The following SAMD3 variants were observed in gnomAD, a reference collection of about 807,000 sequenced individuals.
SAMD3 encodes sterile alpha motif domain-containing protein 3.
SAMD3 carries 63 observed loss-of-function variants against 58.5 expected under a neutral mutation model. The ratio of observed to expected loss-of-function variants is 1.08; its 90% CI spans 0.88 to 1.33. The LOEUF (loss-of-function observed/expected upper bound fraction) is 1.33. Ranked by LOEUF, SAMD3 falls within the 40% of genes most tolerant of loss-of-function variation. The pLI is 0.00. For synonymous variants in SAMD3, 220 were observed against 210.3 expected, an observed-to-expected ratio of 1.05 and a Z score of -0.40; for missense variants, 604 against 608.4, an observed-to-expected ratio of 0.99 and a Z score of 0.08.
intron 1 of SAMD3, among the ~76,000 whole-genome samples, chr6:130,352,326 C>G (rs938847959): frequency 5.9e-5 from 9 of 152,066 alleles, no homozygotes; most frequent in African/African-American, 2.2e-4. Flanking sequence ...TGAGTAGAAG[C>G]CCATTAAAAT....
In SAMD3 at chr6:130,313,386, G is replaced by A. The variant is rs990714800; in HGVS notation, c.-303-293C>T. Among the ~76,000 whole-genome samples the A allele has an allele frequency of 2.0e-5, 3 of 152,190 alleles. No homozygotes were observed. In the East Asian group the frequency reaches 5.8e-4, roughly 29 times the overall value. ...AACAGCCCCGATCCATACACCAGGT[G>A]TGTGAAACAAACATGTTTTGAGACA... On this transcript the variant is annotated intron_variant, in intron 1 of 13. Transcript: ENST00000368134.
chr6:130,331,973 A>G (rs560955763), intron 1 of SAMD3, among the ~76,000 whole-genome samples: 8 of 152,320 alleles, frequency 5.3e-5, no homozygotes, highest in Non-Finnish European at 1.0e-4. Context: ...ATTTCTGCTT[A>G]AAAGTATCTC....
chr6:130,346,420 T>C (rs1351211437), intron 1 of SAMD3, among the ~76,000 whole-genome samples: 2 of 152,160 alleles, frequency 1.3e-5, no homozygotes, highest in Non-Finnish European at 2.9e-5. Context: ...CACCAGGAGA[T>C]TATATCCTGT....
At chr6:130,341,207 C>T (rs1313375976) in intron 1 of SAMD3, among the ~76,000 whole-genome samples, 2 of 151,984 alleles carry the variant, frequency 1.3e-5, no homozygotes, top group African/African-American at 2.4e-5. Context: ...GTGATAATAA[C>T]CAATATGGTC....
intron 5 of SAMD3, among the ~76,000 whole-genome samples, chr6:130,187,295 T>C (rs1307555026): frequency 1.3e-5 from 2 of 152,158 alleles, no homozygotes; most frequent in East Asian, 1.9e-4. Flanking sequence ...CTTTTTATTC[T>C]ACATACTTTC....
chr6:130,321,245 G>A (rs1003575549), intron 1 of SAMD3, among the ~76,000 whole-genome samples: 1 of 152,014 alleles, frequency 6.6e-6, no homozygotes, highest in Non-Finnish European at 1.5e-5. Flanking sequence ...ATTGCCTTAC[G>A]GACAGACCTA....
chr6:130,325,305 AAAG>A (rs1189412689), intron 1 of SAMD3, among the ~76,000 whole-genome samples: 1 of 152,106 alleles, frequency 6.6e-6, no homozygotes, highest in African/African-American at 2.4e-5. Flanking sequence ...TGTGAGGACA[AAAG>A]ACCTGCGAAC....
At chr6:130,237,972 C>G (rs1274486653) in intron 2 of SAMD3, among the ~76,000 whole-genome samples, 2 of 152,068 alleles carry the variant, frequency 1.3e-5, no homozygotes, top group African/African-American at 4.8e-5. Context: ...ACCTATTTAG[C>G]TGTTGTTTTT....
At chr6:130,286,752 C>T (rs1252342218) in intron 2 of SAMD3, among the ~76,000 whole-genome samples, 1 of 152,144 alleles carries the variant, frequency 6.6e-6, no homozygotes. Context: ...TGCTCTGTCG[C>T]CCAGGCTGGA....
chr6:130,173,336 A>T (rs1467320724), intron 8 of SAMD3, among the ~76,000 whole-genome samples: 2 of 152,082 alleles, frequency 1.3e-5, no homozygotes, highest in Non-Finnish European at 2.9e-5. Context: ...TCTACCTTTG[A>T]TCTTTGATGA....
chr6:130,305,327 T>A (rs1233954592), intron 2 of SAMD3, among the ~76,000 whole-genome samples: 1 of 152,170 alleles, frequency 6.6e-6, no homozygotes, highest in Non-Finnish European at 1.5e-5. Flanking sequence ...ATTCTGTGGG[T>A]TTTATGTGTA....
At chr6:130,155,162 T>A in intron 8 of SAMD3, 137 bp from the exon 9 acceptor site, 1 of 612,648 alleles carries the variant, frequency 1.6e-6, no homozygotes, top group Non-Finnish European at 2.9e-6. Context: ...TGAGCATAAC[T>A]AATAAATGGA....
chr6:130,344,147 T>C (rs1562532174), intron 1 of SAMD3, among the ~76,000 whole-genome samples: 1 of 152,338 alleles, frequency 6.6e-6, no homozygotes, highest in Admixed American at 6.5e-5. Flanking sequence ...AAACGTTCAC[T>C]GCAGAAAATT....
intron 1 of SAMD3, among the ~76,000 whole-genome samples, chr6:130,357,400 A>G (rs1777867809): frequency 6.6e-6 from 1 of 152,112 alleles, no homozygotes; most frequent in Non-Finnish European, 1.5e-5. Flanking sequence ...CTGGGATTAC[A>G]GGCGTGAGCC....
rs11964800 is a variant in SAMD3 at position 130,285,828 on chromosome 6, C to G, written c.-188+27150G>C. On this transcript the variant is annotated intron_variant, in intron 2 of 13. Coordinates refer to the SAMD3 transcript ENST00000368134. The stretch of plus-strand genomic sequence containing the variant: ...ACTGGGGTTGCAAAGATAACTAAGA[C>G]AAGTCCCAGCCCAAGATTTCATAGT... Among the ~76,000 whole-genome samples the G allele has an allele frequency of 3.3e-5, 5 of 152,234 alleles. No individual in the cohort carries two copies. The East Asian group carries it at 9.7e-4, about 29-fold the overall frequency.
At chr6:130,259,106 T>C (rs1019520346) in intron 2 of SAMD3, among the ~76,000 whole-genome samples, 7 of 152,206 alleles carry the variant, frequency 4.6e-5, no homozygotes, top group African/African-American at 1.7e-4. Context: ...AATCTCAGTC[T>C]TAGGTTACTT....
At chr6:130,340,435 C>T (rs556799784) in intron 1 of SAMD3, among the ~76,000 whole-genome samples, 53 of 152,332 alleles carry the variant, frequency 3.5e-4, no homozygotes, top group African/African-American at 1.2e-3. Context: ...GAGGATTCCA[C>T]TGGGACACTT....
chr6:130,270,504 T>G (rs1774520657), intron 2 of SAMD3, among the ~76,000 whole-genome samples: 1 of 152,228 alleles, frequency 6.6e-6, no homozygotes, highest in African/African-American at 2.4e-5. Context: ...TCTTTCTGTT[T>G]CAGCTTCAGC....
At chr6:130,288,819 G>C (rs978417175) in intron 2 of SAMD3, among the ~76,000 whole-genome samples, 1 of 152,162 alleles carries the variant, frequency 6.6e-6, no homozygotes, top group African/African-American at 2.4e-5. Flanking sequence ...AAGAGCTAAA[G>C]GTTGGTGATT....
Sources: gnomAD v4.1 joint callset for allele counts (sites outside exome capture counted in the v4.1 genomes callset) on GRCh38, gnomAD v4.1.1 for gene constraint, MANE v1.5 for transcripts, NCBI Gene and HGNC (gene_info 2026-07-23, HGNC 2026-07-21) for gene names.